The following HSPG2 variants were observed in gnomAD, a reference collection of about 807,000 sequenced individuals.
The protein encoded by HSPG2 is basement membrane-specific heparan sulfate proteoglycan core protein.
Under a neutral mutation model 526.6 loss-of-function variants are expected in HSPG2, and 278 were observed. The ratio of observed to expected loss-of-function variants is 0.53; its 90% CI spans 0.48 to 0.58. The LOEUF (loss-of-function observed/expected upper bound fraction) is 0.58, where lower values mean the gene tolerates loss of function less well. Ranked by LOEUF, HSPG2 falls within the 20% of genes least tolerant of loss-of-function variation. HSPG2 has a pLI of 0.00. For missense variants in HSPG2, 5,354 were observed against 6,099.5 expected (o/e 0.88, Z 4.07); for synonymous variants, 2,465 against 2,555.4 (o/e 0.96, Z 1.07).
In HSPG2 at chr1:21,865,379, A is replaced by G. The variant is rs775092067; in HGVS notation, c.4315-14T>C. 1 of 1,613,774 alleles carries G rather than the reference A, an allele frequency of 6.2e-7. No homozygotes were observed. The highest frequency in any genetic ancestry group is 8.5e-7 in the Non-Finnish European group (1 of 1,179,808). ...GATGTTGTTGCCCTGGAAAGACACC[A>G]GCAGGATTGGAAGGGGAGCCGAGGG... On this transcript the variant is annotated splice_polypyrimidine_tract_variant and intron_variant, in intron 34 of 96. Transcript: ENST00000374695. The surrounding 1 kb of genome is among the most constrained non-coding windows in gnomAD (Gnocchi z 5.4).
intron 1 of HSPG2, among the ~76,000 whole-genome samples, chr1:21,913,517 C>G (rs2445132): frequency 0.92 from 139,984 of 152,292 alleles, 65,205 homozygotes; most frequent in South Asian, 0.99. Flanking sequence ...AGACAGCCCA[C>G]GGACAGCCAG....
At position 21,852,924 on chromosome 1, in the gene HSPG2, G is replaced by A. The variant is rs1245880868; in HGVS notation, c.6586C>T (p.His2196Tyr). Residue 2196 changes from histidine (H) to tyrosine (Y), a missense_variant, in exon 51 of 97, where the codon CAC becomes TAC. By Grantham distance (83) the His-to-Tyr change is moderately conservative. Transcript: ENST00000374695. Reference protein sequence around the residue: ...HKRGGSLPARHQTHGSLLRLH... With the variant: ...HKRGGSLPARYQTHGSLLRLH... Reference sequence around the variant, plus strand: ...GTCCCGGGGGGCTGCCATACCTGGTGCCGGGCAGGGAGGCTGCCCCCACGC... The same window carrying A: ...GTCCCGGGGGGCTGCCATACCTGGTACCGGGCAGGGAGGCTGCCCCCACGC... 2 of 1,612,956 alleles carry A rather than the reference G, an allele frequency of 1.2e-6. No individual in the cohort carries two copies. The highest frequency in any genetic ancestry group is 1.1e-5 in the South Asian group (1 of 91,022).
In HSPG2 at chr1:21,831,508, C is replaced by G. The variant is rs748728298; in HGVS notation, c.11407G>C (p.Asp3803His). ...CCCGCCTTGGGGATGGCACCATAGT[C>G]AGGATAGCCACCCAGGTAGAGTTCC... ...NEELYLGGYP[D>H]YGAIPKAGLS... is the part of the protein sequence containing the mutation. Residue 3803 changes from aspartate (D) to histidine (H), a missense_variant, in exon 83 of 97, where the codon GAC becomes CAC. Transcript: ENST00000374695. 3.7e-6 allele frequency: 6 copies of G among 1,614,170 alleles called. No homozygotes were observed. The South Asian group carries it at 4.4e-5, about 12-fold the overall frequency.
chr1:21,865,749 T>TGCCCTGTGGGCC lies in HSPG2; in HGVS notation c.4270_4281dup (p.Gly1424_Gly1427dup). 1 of 1,613,916 alleles carries TGCCCTGTGGGCC rather than the reference T, an allele frequency of 6.2e-7. No homozygotes were observed. The highest frequency in any genetic ancestry group is 8.5e-7 in the Non-Finnish European group (1 of 1,179,990). On this transcript the variant is annotated inframe_insertion, in exon 34 of 97. Coordinates refer to ENST00000374695, the MANE Select transcript of HSPG2 (RefSeq NM_005529.7). This position sits in a 1 kb window ranked among gnomAD's most constrained non-coding sequence, Gnocchi z 5.4. ...TGCACATCGGGGTCAGAGAGTGGGC[T>TGCCCTGTGGGCC]GCCCTGTGGGCCTGCTGTGTAGGAG...
chr1:21,892,943 C>T (rs184217010), intron 3 of HSPG2, among the ~76,000 whole-genome samples: 9 of 151,898 alleles, frequency 5.9e-5, no homozygotes, highest in Non-Finnish European at 1.0e-4. Flanking sequence ...CCAGCAGGGG[C>T]GAGGCTGCCT....
intron 1 of HSPG2, among the ~76,000 whole-genome samples, chr1:21,933,131 G>T (rs1380239947): frequency 6.6e-6 from 1 of 151,576 alleles, no homozygotes; most frequent in East Asian, 1.9e-4. Flanking sequence ...GAGGTGGGAG[G>T]ATCACCTGAG....
Position 21,880,358 on chromosome 1 carries a change from G to C in HSPG2, c.2195+5C>G. Reference sequence around the variant, plus strand: ...TGTGGTTCCCAGCCCTGCCGGCTCAGGCACCTGCACTCCTCCACACTGTGG... The same window carrying C: ...TGTGGTTCCCAGCCCTGCCGGCTCACGCACCTGCACTCCTCCACACTGTGG... On this transcript the variant is annotated splice_donor_5th_base_variant and intron_variant, in intron 16 of 96. Coordinates refer to ENST00000374695, the MANE Select transcript of HSPG2 (RefSeq NM_005529.7). 6.2e-7 allele frequency: 1 copy of C among 1,614,128 alleles called. No homozygotes were observed. The highest frequency in any genetic ancestry group is 1.7e-5 in the Admixed American group (1 of 60,030).
chr1:21,892,192 G>A (rs1457836998), intron 3 of HSPG2, among the ~76,000 whole-genome samples: 1 of 152,230 alleles, frequency 6.6e-6, no homozygotes, highest in African/African-American at 2.4e-5. Context: ...GCCCTGAACC[G>A]CTGGGCTAGG....
chr1:21,842,022 G>A lies in HSPG2; in HGVS notation c.9173C>T (p.Thr3058Ile). The A allele has an allele frequency of 6.2e-7, 1 of 1,613,536 alleles. No homozygotes were observed. Among genetic ancestry groups the A allele is most frequent in the Non-Finnish European group, 8.5e-7 (1 of 1,180,020 alleles). ...GAAPISLEWK[T>I]RNQELEDNVH... ...CTCACCCTCCAGCTCCTGGTTCCGG[G>A]TCTTCCACTCGAGGCTGATGGGGGC... is the stretch of plus-strand genomic sequence containing the variant. The change falls in exon 69 of 97, where the codon ACC becomes ATC. Residue 3058 changes from threonine to isoleucine, a missense_variant. Transcript: ENST00000374695.
At chr1:21,838,328 C>T (rs2098035343) in intron 74 of HSPG2, among the ~76,000 whole-genome samples, 1 of 152,152 alleles carries the variant, frequency 6.6e-6, no homozygotes, top group Non-Finnish European at 1.5e-5. Context: ...TCATTTGTAT[C>T]ATTGATGCAG....
intron 1 of HSPG2, among the ~76,000 whole-genome samples, chr1:21,902,816 C>T (rs1371403300): frequency 6.6e-6 from 1 of 152,214 alleles, no homozygotes; most frequent in Non-Finnish European, 1.5e-5. Context: ...AGCTTAGCCC[C>T]GCACTCACCA....
In HSPG2 at chr1:21,895,566, C is replaced by T. The variant is rs1225864718; in HGVS notation, c.244+356G>A. ...GCCTGGGATCCCCAGCTCTGTGCCCCCAGGAGGGCTCTGGGGAAGGACTCA... is the reference window on the plus strand; with the variant it reads ...GCCTGGGATCCCCAGCTCTGTGCCCTCAGGAGGGCTCTGGGGAAGGACTCA... On this transcript the variant is annotated intron_variant, in intron 3 of 96. Transcript: ENST00000374695. This position sits in a 1 kb window ranked among gnomAD's most constrained non-coding sequence, Gnocchi z 4.1. Among the ~76,000 whole-genome samples the T allele has an allele frequency of 2.0e-5, 3 of 152,226 alleles. No individual in the cohort carries two copies. Among genetic ancestry groups the T allele is most frequent in the Non-Finnish European group, 4.4e-5 (3 of 68,024 alleles).
chr1:21,850,173 C>A lies in HSPG2; in HGVS notation c.7314G>T (p.Thr2438=). ...GCGAAGACGATGACTCGATCCGGACCGTGGGGGTGACCCCAAGTGCTGGGG... is the reference window on the plus strand; with the variant it reads ...GCGAAGACGATGACTCGATCCGGACAGTGGGGGTGACCCCAAGTGCTGGGG... ...GSVPALGVTP[T]VRIESSSSQV... is the part of the protein sequence containing the mutation. Residue 2438 remains threonine, a synonymous_variant, in exon 57 of 97, where the codon ACG becomes ACT. Transcript: ENST00000374695. The A allele has an allele frequency of 6.2e-7, 1 of 1,613,364 alleles. No individual in the cohort carries two copies. The highest frequency in any genetic ancestry group is 2.2e-5 in the East Asian group (1 of 44,880).
chr1:21,830,779 G>C, intron 85 of HSPG2: 1 of 597,486 alleles, frequency 1.7e-6, no homozygotes. Flanking sequence ...AGCAGGGCTG[G>C]AGGAGGGGAA....
intron 53 of HSPG2, 24 bp downstream of exon 53, chr1:21,852,064 T>C (rs1638947518): frequency 6.2e-7 from 1 of 1,612,280 alleles, no homozygotes; most frequent in South Asian, 1.1e-5. Flanking sequence ...CATGGCCCCG[T>C]CCCACATTCT....
chr1:21,936,088 G>A (rs1644481583), intron 1 of HSPG2, among the ~76,000 whole-genome samples: 1 of 152,144 alleles, frequency 6.6e-6, no homozygotes, highest in Non-Finnish European at 1.5e-5. Context: ...AGGGAGGCAG[G>A]TATGGGGACT....
intron 37 of HSPG2, among the ~76,000 whole-genome samples, chr1:21,863,839 G>C (rs1640017123): frequency 6.6e-6 from 1 of 152,134 alleles, no homozygotes; most frequent in Non-Finnish European, 1.5e-5. Flanking sequence ...GACCCCATCT[G>C]TATTAGATAA....
Position 21,847,980 on chromosome 1 carries a change from G to A in HSPG2, c.7851C>T (p.Ile2617=), listed in dbSNP as rs959182576. ...CACCGTGGGAGGAACCGCTGCCCTG[G>A]ATGGTGACGATGAGCGAGGTCTCCC... The part of the protein sequence containing the change: ...GSRETSLIVT[I]QGSGSSHVPS... Residue 2617 remains isoleucine, a synonymous_variant, in exon 60 of 97, where the codon ATC becomes ATT. Coordinates refer to ENST00000374695, the MANE Select transcript of HSPG2 (RefSeq NM_005529.7). The surrounding 1 kb of genome is among the most constrained non-coding windows in gnomAD (Gnocchi z 4.1). 3.1e-6 allele frequency: 5 copies of A among 1,613,814 alleles called. No homozygotes were observed. The South Asian group carries it at 5.5e-5, about 18-fold the overall frequency.
rs1289050406 is a variant in HSPG2, at chr1:21,834,679, C to T, written c.10720G>A (p.Ala3574Thr). The T allele has an allele frequency of 6.2e-7, 1 of 1,614,016 alleles. No homozygotes were observed. Among genetic ancestry groups the T allele is most frequent in the Non-Finnish European group, 8.5e-7 (1 of 1,180,034 alleles). Residue 3574 changes from alanine (A) to threonine (T), a missense_variant and splice_region_variant, in exon 77 of 97, where the codon GCC becomes ACC. By Grantham distance (58) the Ala-to-Thr change is moderately conservative (BLOSUM62 0). Coordinates refer to ENST00000374695, the MANE Select transcript of HSPG2 (RefSeq NM_005529.7). ...TQSHVLLLVQ[A>T]LPQISMPQEV... ...AACAAAAGTCCCCACTGGCCTTCACCTTGCACAAGCAGCAGGACGTGGGAT... is the reference window on the plus strand; with the variant it reads ...AACAAAAGTCCCCACTGGCCTTCACTTTGCACAAGCAGCAGGACGTGGGAT...
Sources: allele counts gnomAD v4.1 joint callset (sites outside exome capture counted in the v4.1 genomes callset), GRCh38; gene constraint gnomAD v4.1.1; non-coding constraint Gnocchi (gnomAD v3.1); transcripts MANE v1.5; gene names NCBI Gene and HGNC (gene_info 2026-07-23, HGNC 2026-07-21).